MYCBP2: variants seen among roughly 807,000 people sequenced by gnomAD.
MYCBP2 encodes the protein MYC binding protein 2.
In MYCBP2, 120 loss-of-function variants were observed where a neutral mutation model predicts 525.3. That is an observed-to-expected ratio of 0.23 (90% CI 0.20 to 0.27). The LOEUF (loss-of-function observed/expected upper bound fraction) is 0.27, where lower values mean the gene tolerates loss of function less well. MYCBP2 is among the 10% of genes least tolerant of loss of function. The pLI is 1.00. For synonymous variants in MYCBP2, 1,894 were observed against 1,955.8 expected, an observed-to-expected ratio of 0.97 and a Z score of 0.83; for missense variants, 4,149 against 5,657.1, an observed-to-expected ratio of 0.73 and a Z score of 8.55.
chr13:77,271,502 G>A (rs568845280), intron 5 of MYCBP2, among the ~76,000 whole-genome samples: 2 of 152,188 alleles, frequency 1.3e-5, no homozygotes, highest in South Asian at 4.1e-4. Context: ...GTTTGGTTGT[G>A]TTCCCACTCA....
chr13:77,100,041 G>A lies in MYCBP2; in HGVS notation c.8141-1028C>T, dbSNP rs542518776. The stretch of plus-strand genomic sequence containing the variant: ...GCAAGTGATACCAGTTAGTTGTTAG[G>A]AGAAAAGCAATCTGACTGAAGGGTT... On this transcript the variant is annotated intron_variant, in intron 55 of 82. Coordinates refer to ENST00000544440, the MANE Select transcript of MYCBP2 (RefSeq NM_015057.5). 3.9e-5 allele frequency: 6 copies of A among 152,146 alleles called. No homozygotes were observed. In the South Asian group the frequency reaches 1.0e-3, roughly 26 times the overall value. The allele number at this position is 152,146 out of a possible 1,614,324, so 9.4% of individuals were successfully genotyped here.
At position 77,121,430 on chromosome 13, in the gene MYCBP2, T is replaced by A. The variant is rs2050671494; in HGVS notation, c.8083A>T (p.Asn2695Tyr). Reference protein sequence around the residue: ...PPSPFSVQAFNKGASCSAQGF... With the variant: ...PPSPFSVQAFYKGASCSAQGF... Reference sequence around the variant, plus strand: ...TGGGCACTGCAACTTGCCCCTTTATTAAAAGCTTGCACTGAGAAAGGGCTT... The same window carrying A: ...TGGGCACTGCAACTTGCCCCTTTATAAAAAGCTTGCACTGAGAAAGGGCTT... Residue 2695 changes from asparagine (N) to tyrosine (Y), a missense_variant, in exon 55 of 83, where the codon AAT becomes TAT. By Grantham distance (143) the Asn-to-Tyr change is moderately radical. Around this residue, in one of 21 missense-constraint regions of MYCBP2, gnomAD observed 653 missense variants for 744.7 expected, o/e 0.88. Coordinates refer to ENST00000544440, the MANE Select transcript of MYCBP2 (RefSeq NM_015057.5). The A allele has an allele frequency of 6.3e-7, 1 of 1,598,220 alleles. No homozygotes were observed. Among genetic ancestry groups the A allele is most frequent in the African/African-American group, 1.3e-5 (1 of 74,830 alleles).
intron 1 of MYCBP2, among the ~76,000 whole-genome samples, chr13:77,311,440 A>G (rs2080190144): frequency 6.6e-6 from 1 of 152,202 alleles, no homozygotes. Flanking sequence ...AAGACGATGC[A>G]CATGTTGTAA....
At chr13:77,050,896 G>T in intron 82 of MYCBP2, 101 bp downstream of exon 82, 4 of 1,037,108 alleles carry the variant, frequency 3.9e-6, no homozygotes. Context: ...AGGCTAGTTT[G>T]AATTGAGTTT....
intron 43 of MYCBP2, among the ~76,000 whole-genome samples, chr13:77,163,399 A>T (rs2154211050): frequency 6.6e-6 from 1 of 152,296 alleles, no homozygotes; most frequent in South Asian, 2.1e-4. Context: ...GGAAGAGAAA[A>T]GGGAATAAAG....
Position 77,224,433 on chromosome 13 carries a change from T to C in MYCBP2, c.2939+18A>G, listed in dbSNP as rs1428083996. Reference sequence around the variant, plus strand: ...GAAAAAATAACTCTGGATCTTCAAATGAAAAGTTAGCAAGTACCTGGAGTT... The same window carrying C: ...GAAAAAATAACTCTGGATCTTCAAACGAAAAGTTAGCAAGTACCTGGAGTT... On this transcript the variant is annotated intron_variant, in intron 20 of 82. Coordinates refer to ENST00000544440, the MANE Select transcript of MYCBP2 (RefSeq NM_015057.5). 1.3e-5 allele frequency: 20 copies of C among 1,539,928 alleles called. No homozygotes were observed. The highest frequency in any genetic ancestry group is 1.7e-4 in the Middle Eastern group (1 of 5,962).
At chr13:77,184,769 T>C (rs1430195730) in intron 32 of MYCBP2, among the ~76,000 whole-genome samples, 2 of 152,196 alleles carry the variant, frequency 1.3e-5, no homozygotes. Context: ...TCCTTCCTGT[T>C]CTCACAGATG....
In MYCBP2 at chr13:77,273,645, C is replaced by A; in HGVS notation, c.772G>T (p.Glu258Ter). Residue 258 changes from glutamate (E) to a stop codon, truncating the protein, a stop_gained, in exon 5 of 83, where the codon GAA becomes TAA. Transcript: ENST00000544440. LOFTEE classifies it high-confidence loss of function. ...ATCCCAGTACTTCGAACGGTGATTT[C>A]CAAAAGAAGCTGGAAGAGAGACTCT... ...VLESLFQLLL[E>*]ITVRSTGMND... 1 of 1,552,072 alleles carries A rather than the reference C, an allele frequency of 6.4e-7. No individual in the cohort carries two copies. Among genetic ancestry groups the A allele is most frequent in the Non-Finnish European group, 8.7e-7 (1 of 1,154,130 alleles).
At chr13:77,077,531 T>C in intron 66 of MYCBP2, 144 bp from the exon 67 acceptor site, 1 of 959,590 alleles carries the variant, frequency 1.0e-6, no homozygotes, top group Non-Finnish European at 1.5e-6. Context: ...ACTGATTTTC[T>C]TATTTCAACC....
intron 17 of MYCBP2, among the ~76,000 whole-genome samples, chr13:77,242,422 G>A (rs918884426): frequency 6.6e-6 from 1 of 151,964 alleles, no homozygotes; most frequent in African/African-American, 2.4e-5. Context: ...CCAGTTAAAT[G>A]TATTTTTAAG....
At chr13:77,300,640 A>G (rs1003475931) in intron 1 of MYCBP2, among the ~76,000 whole-genome samples, 1 of 152,232 alleles carries the variant, frequency 6.6e-6, no homozygotes, top group African/African-American at 2.4e-5. Context: ...ATGAGTATGC[A>G]ACACAGATAA....
At chr13:77,169,827 C>T (rs2058965798) in intron 38 of MYCBP2, 113 bp from the exon 39 acceptor site, 1 of 865,540 alleles carries the variant, frequency 1.2e-6, no homozygotes, top group African/African-American at 1.7e-5. Context: ...CTATAGTTGA[C>T]ACCAATTGGG....
intron 55 of MYCBP2, among the ~76,000 whole-genome samples, chr13:77,119,846 TC>T (rs879259847): frequency 6.6e-6 from 1 of 152,180 alleles, no homozygotes; most frequent in Non-Finnish European, 1.5e-5. Flanking sequence ...TGCCTCAGCT[TC>T]CCAGGTAGCT....
At chr13:77,096,541 T>C in intron 56 of MYCBP2, 60 bp from the exon 57 acceptor site, 2 of 1,536,698 alleles carry the variant, frequency 1.3e-6, no homozygotes, top group African/African-American at 1.4e-5. Flanking sequence ...AGTTTGATCC[T>C]TATTACTCAT....
At chr13:77,083,235 A>T in intron 62 of MYCBP2, 43 bp from the exon 63 acceptor site, 2 of 1,566,556 alleles carry the variant, frequency 1.3e-6, no homozygotes, top group Non-Finnish European at 8.7e-7. Flanking sequence ...TGTGTGCTGG[A>T]AGGAATCCTC....
intron 68 of MYCBP2, among the ~76,000 whole-genome samples, chr13:77,071,271 GCACACA>G (rs71814048): frequency 0.014 from 1,982 of 142,720 alleles, 21 homozygotes; most frequent in South Asian, 0.038. Flanking sequence ...GTGTGCACAC[GCACACA>G]CACACACACA....
At chr13:77,251,478 C>G in intron 14 of MYCBP2, 123 bp from the exon 15 acceptor site, 7 of 760,400 alleles carry the variant, frequency 9.2e-6, no homozygotes, top group Non-Finnish European at 1.5e-5. Flanking sequence ...CAAAGAAATG[C>G]TTAAATTTGA....
Position 77,098,857 on chromosome 13 carries a change from G to C in MYCBP2, c.8297C>G (p.Ala2766Gly). 6.2e-7 allele frequency: 1 copy of C among 1,613,652 alleles called. No individual in the cohort carries two copies. Among genetic ancestry groups the C allele is most frequent in the South Asian group, 1.1e-5 (1 of 91,076 alleles). Residue 2766 changes from alanine to glycine, a missense_variant, in exon 56 of 83, where the codon GCT becomes GGT. Coordinates refer to ENST00000544440, the MANE Select transcript of MYCBP2 (RefSeq NM_015057.5). ...KKPRGTESLS[A>G]SESLILKSDA... ...AGATTTTAAGATGAGGGATTCACTA[G>C]CAGATAAACTTTCTGTGCCCCTTGG...
intron 21 of MYCBP2, among the ~76,000 whole-genome samples, chr13:77,213,799 A>C (rs909913116): frequency 4.6e-5 from 7 of 152,216 alleles, no homozygotes; most frequent in Non-Finnish European, 8.8e-5. Flanking sequence ...AGACACAAAA[A>C]TATGCTGTGC....
Sources: allele counts gnomAD v4.1 joint callset (sites outside exome capture counted in the v4.1 genomes callset), GRCh38; gene constraint gnomAD v4.1.1; regional missense constraint gnomAD v4.1.1; transcripts MANE v1.5; gene names NCBI Gene and HGNC (gene_info 2026-07-23, HGNC 2026-07-21).